Variants in TAF4 observed in about 807,000 individuals in gnomAD.
TAF4 encodes the protein TATA-box binding protein associated factor 4.
TAF4 carries 9 observed loss-of-function variants against 90.3 expected under a neutral mutation model. The ratio of observed to expected loss-of-function variants is 0.10; its 90% CI spans 0.06 to 0.17. The LOEUF (loss-of-function observed/expected upper bound fraction) is 0.17, where lower values mean the gene tolerates loss of function less well. Ranked by LOEUF, TAF4 falls within the 10% of genes least tolerant of loss-of-function variation. TAF4 has a pLI of 1.00. For synonymous variants in TAF4, 818 were observed against 638.9 expected (o/e 1.28, Z -4.23); for missense variants, 1,351 against 1,370.7 (o/e 0.99, Z 0.23).
chr20:62,040,712 G>A (rs548117655), intron 1 of TAF4, among the ~76,000 whole-genome samples: 9 of 152,330 alleles, frequency 5.9e-5, no homozygotes, highest in East Asian at 1.9e-4. Flanking sequence ...AAGATCTCAC[G>A]GCAGCAGCAC....
chr20:61,986,568 C>T (rs1240572564), intron 14 of TAF4, among the ~76,000 whole-genome samples: 2 of 152,252 alleles, frequency 1.3e-5, no homozygotes, highest in African/African-American at 4.8e-5. Flanking sequence ...GGAAGCAATG[C>T]CCCTCCAAGA....
intron 1 of TAF4, among the ~76,000 whole-genome samples, chr20:62,022,013 G>C (rs1261135442): frequency 6.6e-6 from 1 of 151,994 alleles, no homozygotes; most frequent in Admixed American, 6.5e-5. Flanking sequence ...ATCAGAGGCG[G>C]AGCGGGCCCT....
Position 62,056,783 on chromosome 20 carries a change from T to C in TAF4, c.1360+7668A>G, listed in dbSNP as rs369589853. Among the ~76,000 whole-genome samples, 5 of 152,336 alleles carry C rather than the reference T, an allele frequency of 3.3e-5. 1 individual carries two copies. The highest frequency in any genetic ancestry group is 1.2e-4 in the African/African-American group (5 of 41,576). ...CTGTATTTTCTTCTTTACAGTTTACTTCCCAAACTTCCTATAATGAAAAAA... is the reference window on the plus strand; with the variant it reads ...CTGTATTTTCTTCTTTACAGTTTACCTCCCAAACTTCCTATAATGAAAAAA... On this transcript the variant is annotated intron_variant, in intron 1 of 14. Coordinates refer to ENST00000252996, the MANE Select transcript of TAF4 (RefSeq NM_003185.4).
At chr20:61,982,291 AGAG>A (rs1272525094) in intron 14 of TAF4, among the ~76,000 whole-genome samples, 1 of 147,648 alleles carries the variant, frequency 6.8e-6, no homozygotes, top group African/African-American at 2.5e-5. Flanking sequence ...ACCCCACCAG[AGAG>A]GAGACACCAA....
At chr20:62,004,497 A>AT (rs201154965) in intron 7 of TAF4, 9,625 of 140,802 alleles carry the variant, frequency 0.068, 404 homozygotes, top group Middle Eastern at 0.11. Flanking sequence ...TAATTTTTGT[A>AT]ATTTTTTTTT....
At chr20:61,994,817 C>T (rs570738304) in intron 14 of TAF4, among the ~76,000 whole-genome samples, 83 of 152,262 alleles carry the variant, frequency 5.5e-4, no homozygotes, top group Middle Eastern at 6.8e-3. Context: ...GGGCTGAGAG[C>T]GAAACAGAGA....
At chr20:62,055,423 T>C (rs1350225744) in intron 1 of TAF4, among the ~76,000 whole-genome samples, 1 of 152,008 alleles carries the variant, frequency 6.6e-6, no homozygotes, top group African/African-American at 2.4e-5. Flanking sequence ...ATATAATCAA[T>C]TCACACTGTG....
chr20:62,026,206 G>A (rs756254398), intron 1 of TAF4, among the ~76,000 whole-genome samples: 4 of 152,058 alleles, frequency 2.6e-5, no homozygotes, highest in Non-Finnish European at 5.9e-5. Flanking sequence ...GGAGCTGCCC[G>A]AGAGTCGTAT....
At chr20:62,029,996 G>A (rs373579504) in intron 1 of TAF4, among the ~76,000 whole-genome samples, 3 of 152,338 alleles carry the variant, frequency 2.0e-5, no homozygotes, top group South Asian at 2.1e-4. Flanking sequence ...ACAGTGCGCC[G>A]CAGGGGCATG....
intron 1 of TAF4, among the ~76,000 whole-genome samples, chr20:62,026,755 C>T (rs933688338): frequency 6.6e-6 from 1 of 152,186 alleles, no homozygotes; most frequent in Non-Finnish European, 1.5e-5. Flanking sequence ...CACCAACCCA[C>T]CCACGGCTTG....
At chr20:62,037,878 TA>T in intron 1 of TAF4, 1 of 224,288 alleles carries the variant, frequency 4.5e-6, no homozygotes, top group Non-Finnish European at 9.4e-6. Context: ...CGAGCGTTCT[TA>T]AAGTGATCAA....
At chr20:61,999,133 T>C (rs200308766) in intron 11 of TAF4, 25 bp from the exon 12 acceptor site, 17 of 1,611,890 alleles carry the variant, frequency 1.1e-5, no homozygotes, top group Middle Eastern at 3.3e-4. Flanking sequence ...AAAATACTGC[T>C]TGTCATAAAT....
At chr20:62,040,145 T>C (rs1260178421) in intron 1 of TAF4, among the ~76,000 whole-genome samples, 1 of 152,248 alleles carries the variant, frequency 6.6e-6, no homozygotes, top group Non-Finnish European at 1.5e-5. Context: ...AAAGAAAAAC[T>C]TATGTTCATA....
chr20:62,034,328 T>C (rs2055920608), intron 1 of TAF4, among the ~76,000 whole-genome samples: 1 of 152,128 alleles, frequency 6.6e-6, no homozygotes, highest in Admixed American at 6.6e-5. Context: ...AAACGCAATT[T>C]TTTGTTTATT....
At chr20:61,982,301 C>T (rs1233048611) in intron 14 of TAF4, among the ~76,000 whole-genome samples, 1 of 149,838 alleles carries the variant, frequency 6.7e-6, no homozygotes, top group Non-Finnish European at 1.5e-5. Context: ...AGAGGAGACA[C>T]CAAAACCCAC....
chr20:62,015,061 A>C (rs1600844740), intron 1 of TAF4, among the ~76,000 whole-genome samples: 1 of 151,100 alleles, frequency 6.6e-6, no homozygotes, highest in East Asian at 1.9e-4. Flanking sequence ...CCTTGCCCCC[A>C]CCTCCTGCCT....
chr20:62,045,581 T>C (rs536272588), intron 1 of TAF4, among the ~76,000 whole-genome samples: 2 of 152,336 alleles, frequency 1.3e-5, no homozygotes, highest in African/African-American at 2.4e-5. Flanking sequence ...TTCCATACTT[T>C]TTTGCCTTTA....
chr20:62,024,307 T>C (rs1373330108), intron 1 of TAF4, among the ~76,000 whole-genome samples: 1 of 152,130 alleles, frequency 6.6e-6, no homozygotes, highest in Admixed American at 6.5e-5. Flanking sequence ...GACCTAAATG[T>C]AAAACCTAAA....
chr20:62,014,764 G>A lies in TAF4; in HGVS notation c.1361-57C>T, dbSNP rs1413978742. ...GCAACCACCCCAGAGCCATGAGGAG[G>A]CCCTGGCCTGACCCAGGGGAAGCTG... On this transcript the variant is annotated intron_variant, in intron 1 of 14. Transcript: ENST00000252996. The A allele has an allele frequency of 2.5e-6, 4 of 1,581,592 alleles. No homozygotes were observed. The Admixed American group carries it at 5.9e-5, about 23-fold the overall frequency.
Sources: gnomAD v4.1 joint callset for allele counts (sites outside exome capture counted in the v4.1 genomes callset) on GRCh38, gnomAD v4.1.1 for gene constraint, MANE v1.5 for transcripts, NCBI Gene and HGNC (gene_info 2026-07-23, HGNC 2026-07-21) for gene names.